Variants in NTM observed in about 807,000 individuals in gnomAD.
NTM encodes the protein neurotrimin, also known as IgLON family member 2.
NTM carries 13 observed loss-of-function variants against 42.1 expected under a neutral mutation model. That is an observed-to-expected ratio of 0.31 (90% CI 0.20 to 0.49). The LOEUF (loss-of-function observed/expected upper bound fraction) is 0.49, where lower values mean the gene tolerates loss of function less well. Among genes scored for constraint, NTM ranks in the 20% least tolerant of loss-of-function variants. The pLI is 0.99. For synonymous variants in NTM, 187 were observed against 179.2 expected, an observed-to-expected ratio of 1.04 and a Z score of -0.35; for missense variants, 373 against 452.8, an observed-to-expected ratio of 0.82 and a Z score of 1.60.
intron 1 of NTM, among the ~76,000 whole-genome samples, chr11:131,424,271 C>T (rs1441351361): frequency 6.6e-6 from 1 of 152,172 alleles, no homozygotes; most frequent in East Asian, 1.9e-4. Flanking sequence ...AATTGGATCC[C>T]TATGTCCTGC....
Position 131,739,877 on chromosome 11 carries a change from C to T in NTM, c.83-171687C>T, listed in dbSNP as rs76642072. Among the ~76,000 whole-genome samples, 1,302 of 152,250 alleles carry T rather than the reference C, an allele frequency of 8.6e-3. 22 individuals carry two copies. Among genetic ancestry groups the T allele is most frequent in the African/African-American group, 0.03 (1,228 of 41,524 alleles). ...GCTTGAAGATGAAGACCCTGGAAAA[C>T]CATGAGCAAGGGGGCCTCAAAATGA... On this transcript the variant is annotated intron_variant, in intron 1 of 8. Coordinates refer to ENST00000683400, the MANE Select transcript of NTM (RefSeq NM_001352005.2).
intron 3 of NTM, among the ~76,000 whole-genome samples, chr11:132,207,128 A>G (rs1158434664): frequency 2.0e-5 from 3 of 152,194 alleles, no homozygotes; most frequent in Non-Finnish European, 4.4e-5. Flanking sequence ...ACCTCAGGCC[A>G]CATACCGATA....
chr11:132,075,549 C>A (rs79310239), intron 2 of NTM, among the ~76,000 whole-genome samples: 1 of 152,218 alleles, frequency 6.6e-6, no homozygotes, highest in East Asian at 1.9e-4. Flanking sequence ...ACCTATGTAG[C>A]AAGAAAATTT....
chr11:132,327,861 C>T (rs1348364968), intron 7 of NTM, among the ~76,000 whole-genome samples: 1 of 149,338 alleles, frequency 6.7e-6, no homozygotes, highest in Non-Finnish European at 1.5e-5. Flanking sequence ...CTTTTTCTTC[C>T]TTTCTTTTCA....
At chr11:131,441,713 C>T (rs552592468) in intron 1 of NTM, among the ~76,000 whole-genome samples, 1 of 152,292 alleles carries the variant, frequency 6.6e-6, no homozygotes, top group East Asian at 1.9e-4. Context: ...CTAAATTTGT[C>T]CTAAGGCACC....
intron 1 of NTM, among the ~76,000 whole-genome samples, chr11:131,805,967 A>C (rs2092458989): frequency 6.6e-6 from 1 of 152,232 alleles, no homozygotes; most frequent in Non-Finnish European, 1.5e-5. Context: ...TTTGATAAGG[A>C]ATATAACCAC....
intron 2 of NTM, among the ~76,000 whole-genome samples, chr11:132,134,006 CTTTG>C (rs1368948301): frequency 1.2e-4 from 19 of 152,166 alleles, no homozygotes; most frequent in African/African-American, 3.6e-4. Flanking sequence ...AATCTTTATT[CTTTG>C]TTTGTTTAAT....
chr11:132,031,600 T>G (rs2075927777), intron 2 of NTM, among the ~76,000 whole-genome samples: 1 of 152,142 alleles, frequency 6.6e-6, no homozygotes, highest in Non-Finnish European at 1.5e-5. Flanking sequence ...GAAGACTGGA[T>G]GAAGTTCAAG....
At chr11:131,776,633 T>C (rs1450655492) in intron 1 of NTM, among the ~76,000 whole-genome samples, 1 of 152,128 alleles carries the variant, frequency 6.6e-6, no homozygotes, top group African/African-American at 2.4e-5. Flanking sequence ...TCTGTATTGG[T>C]TAGGGTAACG....
intron 2 of NTM, among the ~76,000 whole-genome samples, chr11:132,038,279 A>G (rs1454102284): frequency 6.6e-6 from 1 of 152,210 alleles, no homozygotes; most frequent in African/African-American, 2.4e-5. Flanking sequence ...CGCTGCCCTC[A>G]TGCATTCTTT....
At chr11:132,094,077 T>C (rs563447669) in intron 2 of NTM, among the ~76,000 whole-genome samples, 9 of 152,310 alleles carry the variant, frequency 5.9e-5, no homozygotes, top group African/African-American at 1.7e-4. Flanking sequence ...TATGTAAACA[T>C]GGTTTAAACA....
chr11:131,666,229 T>C (rs1233522939), intron 1 of NTM, among the ~76,000 whole-genome samples: 2 of 152,154 alleles, frequency 1.3e-5, no homozygotes, highest in African/African-American at 4.8e-5. Context: ...TATCACTCCT[T>C]TGCTCTCAGC....
rs117997117 is a variant in NTM, at chr11:131,396,554, C to A, written c.82+25666C>A. Among the ~76,000 whole-genome samples the A allele has an allele frequency of 7.6e-3, 1,157 of 152,242 alleles. 8 individuals are homozygous for A. The highest frequency in any genetic ancestry group is 0.013 in the Non-Finnish European group (893 of 68,024). The stretch of plus-strand genomic sequence containing the variant: ...TAAGAATGGGTAACACATGGCTGGG[C>A]GCGGTGGCTCACACCTGTAATCCCA... On this transcript the variant is annotated intron_variant, in intron 1 of 8. Coordinates refer to ENST00000683400, the MANE Select transcript of NTM (RefSeq NM_001352005.2).
At chr11:131,493,261 T>C (rs1010088363) in intron 1 of NTM, among the ~76,000 whole-genome samples, 1 of 151,964 alleles carries the variant, frequency 6.6e-6, no homozygotes, top group Non-Finnish European at 1.5e-5. Context: ...TTAGAAGTAT[T>C]TATGAAAGAA....
chr11:132,242,938 G>A (rs1489921413), intron 4 of NTM, among the ~76,000 whole-genome samples: 1 of 152,170 alleles, frequency 6.6e-6, no homozygotes, highest in Non-Finnish European at 1.5e-5. Flanking sequence ...GAGTAGCACA[G>A]CTGTATTTGA....
chr11:132,110,753 G>A (rs2063052416), intron 2 of NTM, among the ~76,000 whole-genome samples: 1 of 152,074 alleles, frequency 6.6e-6, no homozygotes, highest in African/African-American at 2.4e-5. Context: ...GTAAAACTTA[G>A]GCCAAGCATG....
chr11:131,558,394 A>G (rs1358839114), intron 1 of NTM, among the ~76,000 whole-genome samples: 2 of 152,176 alleles, frequency 1.3e-5, no homozygotes, highest in African/African-American at 4.8e-5. Context: ...ATTGGAGGAC[A>G]GACAGGGAGG....
At chr11:132,090,931 A>C (rs1011179203) in intron 2 of NTM, among the ~76,000 whole-genome samples, 4 of 152,162 alleles carry the variant, frequency 2.6e-5, no homozygotes, top group African/African-American at 9.7e-5. Flanking sequence ...CCTACCAAAA[A>C]AAGTGACAGT....
At chr11:132,173,108 G>C (rs371301835) in intron 3 of NTM, among the ~76,000 whole-genome samples, 1 of 152,212 alleles carries the variant, frequency 6.6e-6, no homozygotes, top group East Asian at 1.9e-4. Context: ...TAGACATCTA[G>C]AAGAGTGGGA....
Sources: gnomAD v4.1 joint callset for allele counts (sites outside exome capture counted in the v4.1 genomes callset) on GRCh38, gnomAD v4.1.1 for gene constraint, MANE v1.5 for transcripts, NCBI Gene and HGNC (gene_info 2026-07-23, HGNC 2026-07-21) for gene names.